CASC3: variants seen among roughly 807,000 people sequenced by gnomAD.
CASC3 encodes CASC3 exon junction complex subunit.
A neutral mutation model predicts 80.5 loss-of-function variants in CASC3; 30 were observed. That is an observed-to-expected ratio of 0.37 (90% CI 0.28 to 0.51). CASC3 has a LOEUF of 0.51. Among genes scored for constraint, CASC3 ranks in the 20% least tolerant of loss-of-function variants. The pLI, the probability that CASC3 is intolerant of heterozygous loss-of-function variation, is 0.94. For synonymous variants in CASC3, 312 were observed against 333.6 expected (o/e 0.94, Z 0.70); for missense variants, 824 against 922.2 (o/e 0.89, Z 1.38).
In CASC3 at chr17:40,162,773, G is replaced by A. The variant is rs775420900; in HGVS notation, c.657G>A (p.Glu219=). ...TATGGAAGGATGAGGGTCGCTGGGA[G>A]CATGACAAGTTCCGGGAAGATGAGC... is the stretch of plus-strand genomic sequence containing the variant. ...RKLWKDEGRW[E]HDKFREDEQA... Residue 219 remains glutamate, a synonymous_variant, in exon 6 of 14, where the codon GAG becomes GAA. Coordinates refer to ENST00000264645, the MANE Select transcript of CASC3 (RefSeq NM_007359.5). 62 of 1,614,010 alleles carry A rather than the reference G, an allele frequency of 3.8e-5. No homozygotes were observed. Among genetic ancestry groups the A allele is most frequent in the Non-Finnish European group, 5.3e-5 (62 of 1,180,042 alleles).
In CASC3 at chr17:40,161,837, A is replaced by G; in HGVS notation, c.382A>G (p.Lys128Glu). ...EANDAVNSST[K>E]EEKGEEKPDT... The stretch of plus-strand genomic sequence containing the variant: ...TAATGATGCTGTTAATTCTTCAACA[A>G]AAGAAGAGAAGGGAGAAGAAAAGCC... Residue 128 changes from lysine (K) to glutamate (E), a missense_variant, in exon 4 of 14, where the codon AAA becomes GAA. Physicochemically the swap from Lys to Glu is moderately conservative, Grantham distance 56. This residue lies in a region of CASC3 where 201 missense variants were observed against 294.1 expected (regional missense o/e 0.68). Transcript: ENST00000264645. 3 of 1,614,214 alleles carry G rather than the reference A, an allele frequency of 1.9e-6. No individual in the cohort carries two copies. The highest frequency in any genetic ancestry group is 2.5e-6 in the Non-Finnish European group (3 of 1,180,024).
At chr17:40,154,109 T>TG (rs1195267673) in intron 3 of CASC3, among the ~76,000 whole-genome samples, 4 of 151,268 alleles carry the variant, frequency 2.6e-5, no homozygotes, top group African/African-American at 9.7e-5. Flanking sequence ...CTGAGCGTTT[T>TG]TTTTTTTTTT....
At chr17:40,141,265 A>G (rs2067423587) in intron 2 of CASC3, 31 bp downstream of exon 2, 1 of 1,604,194 alleles carries the variant, frequency 6.2e-7, no homozygotes. Flanking sequence ...CATTAGGACA[A>G]GAGTTTTTTT....
chr17:40,154,487 G>C (rs554326664), intron 3 of CASC3, among the ~76,000 whole-genome samples: 2 of 150,690 alleles, frequency 1.3e-5, no homozygotes, highest in East Asian at 3.9e-4. Context: ...GCCCACCTCA[G>C]CCTCCCAAAG....
intron 7 of CASC3, 94 bp downstream of exon 7, chr17:40,164,260 A>C (rs1308270542): frequency 2.9e-6 from 3 of 1,024,912 alleles, no homozygotes; most frequent in Non-Finnish European, 4.2e-6. Context: ...GGTGTCTGAC[A>C]AATGTCTACT....
chr17:40,145,433 A>G (rs1988834202), intron 3 of CASC3, among the ~76,000 whole-genome samples: 1 of 152,044 alleles, frequency 6.6e-6, no homozygotes, highest in Non-Finnish European at 1.5e-5. Flanking sequence ...CGGCCTCCCA[A>G]AGTGCTGGGA....
chr17:40,141,708 C>T (rs1184170033), intron 3 of CASC3, 101 bp downstream of exon 3: 4 of 883,500 alleles, frequency 4.5e-6, no homozygotes, highest in Non-Finnish European at 7.5e-6. Context: ...CGTGTTTATC[C>T]TCTTGTGTAT....
At chr17:40,168,561 G>A (rs1989513188) in intron 11 of CASC3, 144 bp downstream of exon 11, 1 of 704,164 alleles carries the variant, frequency 1.4e-6, no homozygotes, top group Non-Finnish European at 2.4e-6. Flanking sequence ...CCTCTTAGTG[G>A]TCAGGAGCTG....
chr17:40,160,299 C>T (rs1177861377), intron 3 of CASC3, among the ~76,000 whole-genome samples: 1 of 152,012 alleles, frequency 6.6e-6, no homozygotes. Context: ...TTGAGAACTG[C>T]CTAGGCAACA....
At chr17:40,141,035 G>T in intron 1 of CASC3, 172 bp from the exon 2 acceptor site, 1 of 675,764 alleles carries the variant, frequency 1.5e-6, no homozygotes, top group East Asian at 2.7e-5. Context: ...GTCGGGGCTG[G>T]AGGGAAGGAG....
chr17:40,171,043 A>G lies in CASC3; in HGVS notation c.*638A>G, dbSNP rs1989580879. ...GTTGGCATTTGTTATCCTCTTGTAT[A>G]CTTGTATTCCCTTAACTCTAACCCT... On this transcript the variant is annotated 3_prime_UTR_variant, in exon 14 of 14. Coordinates refer to ENST00000264645, the MANE Select transcript of CASC3 (RefSeq NM_007359.5). 1 of 985,338 alleles carries G rather than the reference A, an allele frequency of 1.0e-6. No individual in the cohort carries two copies. Among genetic ancestry groups the G allele is most frequent in the African/African-American group, 1.7e-5 (1 of 57,174 alleles). 61.0% of individuals were successfully genotyped at this position (985,338 alleles called of 1,614,324 possible).
At chr17:40,140,849 G>A (rs1038893730) in intron 1 of CASC3, 70 bp downstream of exon 1, 7 of 1,130,280 alleles carry the variant, frequency 6.2e-6, no homozygotes, top group Non-Finnish European at 8.6e-6. Flanking sequence ...TGTAGGTGAT[G>A]CTAGGTAGTC....
chr17:40,151,637 G>A (rs1205137643), intron 3 of CASC3, among the ~76,000 whole-genome samples: 2 of 150,424 alleles, frequency 1.3e-5, no homozygotes, highest in African/African-American at 2.5e-5. Context: ...AAGGCTGCAG[G>A]GAGCTGTGAT....
In CASC3 at chr17:40,171,734, C is replaced by T. The variant is rs768116139; in HGVS notation, c.*1329C>T. 1.6e-4 allele frequency: 177 copies of T among 1,141,724 alleles called. No homozygotes were observed. The highest frequency in any genetic ancestry group is 1.9e-4 in the Non-Finnish European group (172 of 918,404). The allele number at this position is 1,141,724 out of a possible 1,614,324, so 70.7% of individuals were successfully genotyped here. ...GCCAGGGGTAACCTGGCCACTGTCC[C>T]TGTCCTTCTACAGAACCTGAGGGCA... On this transcript the variant is annotated 3_prime_UTR_variant, in exon 14 of 14. Transcript: ENST00000264645.
chr17:40,163,744 G>T lies in CASC3; in HGVS notation c.1049G>T (p.Arg350Leu), dbSNP rs751323290. The change falls in exon 7 of 14, where the codon CGG (arginine) becomes CTG (leucine). Residue 350 changes from arginine (R) to leucine (L), a missense_variant. By Grantham distance (102) the Arg-to-Leu change is moderately radical. This residue lies in a region of CASC3 where 464 missense variants were observed against 506.0 expected (regional missense o/e 0.92). Transcript: ENST00000264645. ...ACTGTTAAGCATGAGATTAGTTACC[G>T]GTCACGGCGCCTAGAGCAGACTTCT... ...GETVKHEISY[R>L]SRRLEQTSVR... 3.1e-6 allele frequency: 5 copies of T among 1,614,122 alleles called. No individual in the cohort carries two copies. Among genetic ancestry groups the T allele is most frequent in the Admixed American group, 1.7e-5 (1 of 60,002 alleles).
Position 40,167,589 on chromosome 17 carries a change from T to G in CASC3, c.1628T>G (p.Met543Arg). The G allele has an allele frequency of 1.2e-6, 2 of 1,613,596 alleles. No homozygotes were observed. The highest frequency in any genetic ancestry group is 1.7e-6 in the Non-Finnish European group (2 of 1,179,546). The change falls in exon 9 of 14, where the codon ATG becomes AGG. Residue 543 changes from methionine (M) to arginine (R), a missense_variant. By Grantham distance (91) the Met-to-Arg change is moderately conservative. Transcript: ENST00000264645. ...GCCCCTCCAGTGCATATCAGTATCATGGAGGGACATTACTATGATCCACGT... is the reference window on the plus strand; with the variant it reads ...GCCCCTCCAGTGCATATCAGTATCAGGGAGGGACATTACTATGATCCACGT... ...PPAPPVHISI[M>R]EGHYYDPLQF...
chr17:40,167,635 G>A, intron 9 of CASC3, 23 bp downstream of exon 9: 1 of 1,574,964 alleles, frequency 6.3e-7, no homozygotes, highest in Non-Finnish European at 8.7e-7. Context: ...TTACTGTTGG[G>A]GTACTTTTCT....
chr17:40,169,731 CTTAA>C (rs1411934466), intron 13 of CASC3, 69 bp downstream of exon 13: 16 of 243,744 alleles, frequency 6.6e-5, no homozygotes, highest in South Asian at 4.5e-4. Flanking sequence ...ACAAAAATCA[CTTAA>C]TTAATGCTTT....
chr17:40,146,361 C>G (rs890247789), intron 3 of CASC3, among the ~76,000 whole-genome samples: 1 of 151,486 alleles, frequency 6.6e-6, no homozygotes, highest in Non-Finnish European at 1.5e-5. Context: ...TTCAGAAGTT[C>G]AAGATAACTT....
Sources: gnomAD v4.1 joint callset for allele counts (sites outside exome capture counted in the v4.1 genomes callset) on GRCh38, gnomAD v4.1.1 for gene constraint, gnomAD v4.1.1 regional missense constraint, MANE v1.5 for transcripts, NCBI Gene and HGNC (gene_info 2026-07-23, HGNC 2026-07-21) for gene names.